The following BAZ2B variants were observed in gnomAD, a reference collection of about 807,000 sequenced individuals.
BAZ2B encodes the protein bromodomain adjacent to zinc finger domain protein 2B.
A neutral mutation model predicts 246.0 loss-of-function variants in BAZ2B; 91 were observed. The ratio of observed to expected loss-of-function variants is 0.37; its 90% CI spans 0.31 to 0.44. The LOEUF is 0.44. Among genes scored for constraint, BAZ2B ranks in the 20% least tolerant of loss-of-function variants. BAZ2B has a pLI of 1.00. For missense variants in BAZ2B, 2,332 were observed against 2,533.7 expected, an observed-to-expected ratio of 0.92 and a Z score of 1.71; for synonymous variants, 855 against 860.0, an observed-to-expected ratio of 0.99 and a Z score of 0.10.
chr2:159,518,469 G>A lies in BAZ2B; in HGVS notation c.-3+37354C>T, dbSNP rs565479062. 1.1e-4 allele frequency among the ~76,000 whole-genome samples: 16 copies of A among 152,230 alleles called. 1 individual carries two copies. Among genetic ancestry groups the A allele is most frequent in the Non-Finnish European group, 2.4e-4 (16 of 67,992 alleles). On this transcript the variant is annotated intron_variant, in intron 2 of 36. Coordinates refer to ENST00000392783, the MANE Select transcript of BAZ2B (RefSeq NM_013450.4). Reference sequence around the variant, plus strand: ...TTCAGAGTGAATTCCCCTGTACTCTGGAAAGTCCAAGAAACCACAGAGCTC... The same window carrying A: ...TTCAGAGTGAATTCCCCTGTACTCTAGAAAGTCCAAGAAACCACAGAGCTC...
At chr2:159,610,237 G>A (rs1694417015) in intron 1 of BAZ2B, among the ~76,000 whole-genome samples, 1 of 152,128 alleles carries the variant, frequency 6.6e-6, no homozygotes, top group African/African-American at 2.4e-5. Context: ...TGTCAGACCT[G>A]ACCTACTAGA....
intron 3 of BAZ2B, among the ~76,000 whole-genome samples, chr2:159,474,397 T>C (rs554179797): frequency 6.6e-6 from 1 of 152,300 alleles, no homozygotes; most frequent in African/African-American, 2.4e-5. Flanking sequence ...TTTTTTGCTT[T>C]CCATTTTCTT....
At chr2:159,700,006 GC>G in the BAZ2B span, among the ~76,000 whole-genome samples, 1 of 152,110 alleles carries the variant, frequency 6.6e-6, no homozygotes, top group Non-Finnish European at 1.5e-5. Flanking sequence ...CTCCCCTCAA[GC>G]CCTTTTTCAA....
At chr2:159,555,175 TC>T (rs1285552959) in intron 2 of BAZ2B, among the ~76,000 whole-genome samples, 1 of 145,436 alleles carries the variant, frequency 6.9e-6, no homozygotes, top group Non-Finnish European at 1.5e-5. Context: ...CACTGCAACC[TC>T]CACCTCCCGG....
the BAZ2B span, among the ~76,000 whole-genome samples, chr2:159,688,809 T>C: frequency 6.6e-6 from 1 of 152,328 alleles, no homozygotes; most frequent in South Asian, 2.1e-4. Context: ...TGGGCTTTAC[T>C]GATTGTTCTT....
At chr2:159,677,609 A>C in the BAZ2B span, among the ~76,000 whole-genome samples, 2 of 152,194 alleles carry the variant, frequency 1.3e-5, no homozygotes, top group African/African-American at 2.4e-5. Context: ...GTGAGGACAA[A>C]ATACACTTAT....
intron 1 of BAZ2B, among the ~76,000 whole-genome samples, chr2:159,605,470 C>CTTAAA (rs1237023878): frequency 6.6e-6 from 1 of 152,030 alleles, no homozygotes; most frequent in African/African-American, 2.4e-5. Context: ...TAGTTGGTAC[C>CTTAAA]TGCAGTATAT....
the BAZ2B span, among the ~76,000 whole-genome samples, chr2:159,678,571 AG>A: frequency 2.3e-3 from 345 of 152,280 alleles, 1 homozygote; most frequent in Admixed American, 5.2e-3. Context: ...AGGCTGAGGT[AG>A]GTAGGACTGC....
chr2:159,604,331 C>T (rs868512097), intron 1 of BAZ2B, among the ~76,000 whole-genome samples: 7 of 151,988 alleles, frequency 4.6e-5, no homozygotes, highest in African/African-American at 1.7e-4. Flanking sequence ...TGGTCTCACA[C>T]TCCTGGCCTC....
intron 2 of BAZ2B, among the ~76,000 whole-genome samples, chr2:159,485,782 A>G (rs2079755384): frequency 6.6e-6 from 1 of 152,106 alleles, no homozygotes; most frequent in Admixed American, 6.6e-5. Context: ...TTTTGTCCTT[A>G]TCATTCTTTT....
At chr2:159,579,091 A>G (rs1248893522) in intron 1 of BAZ2B, among the ~76,000 whole-genome samples, 1 of 152,156 alleles carries the variant, frequency 6.6e-6, no homozygotes, top group East Asian at 1.9e-4. Context: ...ACTGAAGGAG[A>G]CAGAGACACA....
the BAZ2B span, among the ~76,000 whole-genome samples, chr2:159,641,070 A>G: frequency 6.6e-6 from 1 of 152,164 alleles, no homozygotes. Flanking sequence ...AGAAATTCAA[A>G]GGATCATTAG....
In BAZ2B at chr2:159,350,133, G is replaced by A. The variant is rs1168533922; in HGVS notation, c.4438C>T (p.Pro1480Ser). The A allele has an allele frequency of 8.7e-6, 14 of 1,614,082 alleles. No individual in the cohort carries two copies. The highest frequency in any genetic ancestry group is 1.3e-5 in the African/African-American group (1 of 75,046). ...SKLLEVAKMP[P>S]ESEVMTPKPN... is the part of the protein sequence containing the mutation. The stretch of plus-strand genomic sequence containing the variant: ...TTGGGGGTCATAACCTCTGACTCAG[G>A]AGGCATCTTAGCTACTTCCAAAAGC... Residue 1480 changes from proline to serine, a missense_variant, in exon 28 of 37, where the codon CCT (proline) becomes TCT (serine). Coordinates refer to ENST00000392783, the MANE Select transcript of BAZ2B (RefSeq NM_013450.4).
rs1249266782 is a variant in BAZ2B at position 159,347,584 on chromosome 2, A to G, written c.5356T>C (p.Trp1786Arg). Residue 1786 changes from tryptophan to arginine, a missense_variant, in exon 31 of 37, where the codon TGG becomes CGG. By Grantham distance (101) the Trp-to-Arg change is moderately radical. Around this residue, in one of 9 missense-constraint regions of BAZ2B, gnomAD observed 676 missense variants for 668.6 expected, o/e 1.01. Coordinates refer to ENST00000392783, the MANE Select transcript of BAZ2B (RefSeq NM_013450.4). The part of the protein sequence containing the change: ...NQVTRDIVEN[W>R]SVEEQAMEMD... ...TCCATTGCTTGTTCTTCTACTGACCAGTTCTCCACAATATCTCGAGTTACT... is the reference window on the plus strand; with the variant it reads ...TCCATTGCTTGTTCTTCTACTGACCGGTTCTCCACAATATCTCGAGTTACT... The G allele has an allele frequency of 6.2e-7, 1 of 1,613,080 alleles. No individual in the cohort carries two copies. The highest frequency in any genetic ancestry group is 8.5e-7 in the Non-Finnish European group (1 of 1,179,210).
At chr2:159,388,835 G>A (rs2062957465) in intron 21 of BAZ2B, among the ~76,000 whole-genome samples, 1 of 152,178 alleles carries the variant, frequency 6.6e-6, no homozygotes, top group East Asian at 1.9e-4. Flanking sequence ...GGGAGGCTGA[G>A]GTGGCTGTAT....
the BAZ2B span, among the ~76,000 whole-genome samples, chr2:159,710,114 C>T: frequency 6.2e-4 from 94 of 152,228 alleles, no homozygotes; most frequent in African/African-American, 2.0e-3. Flanking sequence ...AAACACTTGC[C>T]TGTCAAATCA....
chr2:159,396,575 TA>T (rs2064053836), intron 19 of BAZ2B: 1 of 152,168 alleles, frequency 6.6e-6, no homozygotes, highest in Non-Finnish European at 1.5e-5. Context: ...ACTTTACTTT[TA>T]AAATAAAAAA....
chr2:159,397,199 C>A, intron 19 of BAZ2B, 146 bp downstream of exon 19: 1 of 1,280,010 alleles, frequency 7.8e-7, no homozygotes, highest in East Asian at 2.7e-5. Context: ...CAAAGCAAGG[C>A]AATAAACTGT....
chr2:159,708,613 A>G, the BAZ2B span, among the ~76,000 whole-genome samples: 3 of 151,298 alleles, frequency 2.0e-5, no homozygotes, highest in Admixed American at 2.0e-4. Context: ...AGGGTCTGTC[A>G]CCCAGGCCTG....
Sources: allele counts gnomAD v4.1 joint callset (sites outside exome capture counted in the v4.1 genomes callset), GRCh38; gene constraint gnomAD v4.1.1; regional missense constraint gnomAD v4.1.1; transcripts MANE v1.5; gene names NCBI Gene and HGNC (gene_info 2026-07-23, HGNC 2026-07-21).